DIAPH2: variants seen among roughly 807,000 people sequenced by gnomAD.
DIAPH2 encodes the protein diaphanous related formin 2, also known as protein diaphanous homolog 2.
A neutral mutation model predicts 92.7 loss-of-function variants in DIAPH2; 35 were observed. That is an observed-to-expected ratio of 0.38 (90% CI 0.29 to 0.50). The LOEUF is 0.50. Ranked by LOEUF, DIAPH2 falls within the 20% of genes least tolerant of loss-of-function variation. DIAPH2 has a pLI of 0.94. For synonymous variants in DIAPH2, 301 were observed against 280.4 expected (o/e 1.07, Z -0.73); for missense variants, 701 against 819.5 (o/e 0.86, Z 1.77).
At chrX:97,267,310 A>T (rs771481064) in intron 23 of DIAPH2, among the ~76,000 whole-genome samples, 135 of 111,491 alleles carry the variant, frequency 1.2e-3, no homozygotes, top group African/African-American at 4.3e-3. Flanking sequence ...ATTGCTGTAA[A>T]TGTTGCTTAG....
At chrX:96,717,445 G>T (rs1006525133) in intron 1 of DIAPH2, among the ~76,000 whole-genome samples, 3 of 108,427 alleles carry the variant, frequency 2.8e-5, no homozygotes, top group African/African-American at 1.0e-4. Context: ...TTGAAGCTCT[G>T]TTATTACAGG....
At chrX:96,718,354 T>G (rs1475705310) in intron 1 of DIAPH2, among the ~76,000 whole-genome samples, 3 of 65,389 alleles carry the variant, frequency 4.6e-5, no homozygotes, top group East Asian at 9.2e-4. Context: ...TTTTTTTTTT[T>G]TTTTTTTTTT....
At chrX:97,401,201 C>A (rs950415786) in intron 25 of DIAPH2, among the ~76,000 whole-genome samples, 8 of 111,065 alleles carry the variant, frequency 7.2e-5, no homozygotes, top group Non-Finnish European at 1.5e-4. Context: ...ACCCCTCCCC[C>A]AAGGCATGGG....
chrX:97,291,015 C>T (rs2068585492), intron 23 of DIAPH2, among the ~76,000 whole-genome samples: 3 of 109,690 alleles, frequency 2.7e-5, no homozygotes, highest in African/African-American at 3.3e-5. Flanking sequence ...ACCCTTGAAC[C>T]CGGCAGGCAG....
intron 3 of DIAPH2, among the ~76,000 whole-genome samples, chrX:96,753,293 G>A (rs955047825): frequency 8.9e-6 from 1 of 111,922 alleles, no homozygotes; most frequent in Non-Finnish European, 1.9e-5. Context: ...TAGGGATTTT[G>A]ATGAAAACAA....
intron 25 of DIAPH2, among the ~76,000 whole-genome samples, chrX:97,415,507 G>A (rs1369459429): frequency 9.0e-6 from 1 of 111,663 alleles, no homozygotes; most frequent in Non-Finnish European, 1.9e-5. Flanking sequence ...TATTCACCAT[G>A]AAATACTATG....
intron 26 of DIAPH2, among the ~76,000 whole-genome samples, chrX:97,547,195 C>T (rs1406327686): frequency 1.8e-5 from 2 of 111,386 alleles, no homozygotes; most frequent in Non-Finnish European, 3.8e-5. Context: ...CCTTTTCTCC[C>T]TGCTTCCCCC....
intron 15 of DIAPH2, among the ~76,000 whole-genome samples, chrX:96,949,906 A>G (rs956075649): frequency 3.7e-5 from 4 of 109,292 alleles, no homozygotes; most frequent in Admixed American, 9.8e-5. Flanking sequence ...ATGTCTTAAC[A>G]TAGTGGGTGC....
At chrX:96,998,725 G>C (rs1377251510) in intron 17 of DIAPH2, among the ~76,000 whole-genome samples, 1 of 111,488 alleles carries the variant, frequency 9.0e-6, no homozygotes, top group Non-Finnish European at 1.9e-5. Flanking sequence ...CGCTGGGTTA[G>C]AGAAGCAGGA....
At chrX:97,044,991 C>T (rs1250040418) in intron 17 of DIAPH2, among the ~76,000 whole-genome samples, 1 of 111,586 alleles carries the variant, frequency 9.0e-6, no homozygotes, top group Non-Finnish European at 1.9e-5. Flanking sequence ...TTTGACCATT[C>T]CCTCTTTCTT....
chrX:96,807,043 T>G (rs2316742), intron 4 of DIAPH2, among the ~76,000 whole-genome samples: 46,196 of 111,169 alleles, frequency 0.42, 8,179 homozygotes, highest in African/African-American at 0.7. Context: ...CGCCTGGCCC[T>G]GGTTTCTGTT....
intron 5 of DIAPH2, among the ~76,000 whole-genome samples, chrX:96,888,591 A>C (rs371667873): frequency 1.0e-4 from 5 of 50,068 alleles, no homozygotes; most frequent in African/African-American, 3.5e-4. Flanking sequence ...CTATATATAT[A>C]CAGATATATA....
chrX:97,114,199 A>G (rs1265123001), intron 20 of DIAPH2, among the ~76,000 whole-genome samples: 1 of 111,844 alleles, frequency 8.9e-6, no homozygotes, highest in Non-Finnish European at 1.9e-5. Context: ...ATATATAAAT[A>G]GTATATTTTA....
chrX:96,721,210 AG>A (rs1311050160), intron 1 of DIAPH2, among the ~76,000 whole-genome samples: 1 of 112,246 alleles, frequency 8.9e-6, no homozygotes, highest in African/African-American at 3.2e-5. Flanking sequence ...GTTTGTTTAA[AG>A]ATTTATTATG....
chrX:96,896,040 G>A (rs896974729), intron 5 of DIAPH2, among the ~76,000 whole-genome samples: 1 of 111,495 alleles, frequency 9.0e-6, no homozygotes, highest in Admixed American at 9.5e-5. Context: ...GTATTTACAG[G>A]TATATATCAT....
intron 17 of DIAPH2, among the ~76,000 whole-genome samples, chrX:97,017,058 T>C (rs920451803): frequency 1.8e-5 from 2 of 111,747 alleles, no homozygotes; most frequent in Non-Finnish European, 3.8e-5. Flanking sequence ...TTTTAACACC[T>C]TCCTTGGAGC....
chrX:97,231,241 CT>C (rs5903071), intron 22 of DIAPH2, among the ~76,000 whole-genome samples: 4,660 of 83,211 alleles, frequency 0.056, 279 homozygotes, highest in African/African-American at 0.19. Context: ...TTCTTTCAGG[CT>C]TTTTTTTTTT....
intron 4 of DIAPH2, among the ~76,000 whole-genome samples, chrX:96,867,686 A>G (rs886603848): frequency 1.8e-5 from 2 of 111,871 alleles, no homozygotes; most frequent in Non-Finnish European, 3.8e-5. Flanking sequence ...AAATAAACAC[A>G]TATGTTTGAG....
At chrX:97,280,042 CCTTA>C (rs1480892058) in intron 23 of DIAPH2, among the ~76,000 whole-genome samples, 5 of 111,561 alleles carry the variant, frequency 4.5e-5, no homozygotes, top group African/African-American at 1.3e-4. Flanking sequence ...TTTTCTTTTT[CCTTA>C]CTTATCACAA....
Sources: allele counts gnomAD v4.1 joint callset (sites outside exome capture counted in the v4.1 genomes callset), GRCh38; gene constraint gnomAD v4.1.1; transcripts MANE v1.5; gene names NCBI Gene and HGNC (gene_info 2026-07-23, HGNC 2026-07-21).